Variants in IGDCC4 observed in about 807,000 individuals in gnomAD.
The protein encoded by IGDCC4 is likely ortholog of mouse neighbor of Punc E11.
IGDCC4 carries 72 observed loss-of-function variants against 116.6 expected under a neutral mutation model. That is an observed-to-expected ratio of 0.62 (90% CI 0.51 to 0.75). The LOEUF (loss-of-function observed/expected upper bound fraction) is 0.75, where lower values mean the gene tolerates loss of function less well. IGDCC4 is among the 30% of genes least tolerant of loss of function. IGDCC4 has a pLI of 0.00. For synonymous variants in IGDCC4, 709 were observed against 719.9 expected (o/e 0.98, Z 0.24); for missense variants, 1,501 against 1,662.4 (o/e 0.90, Z 1.69).
chr15:65,410,704 C>T (rs145142327), intron 2 of IGDCC4: 4,685 of 466,178 alleles, frequency 0.01, 71 homozygotes, highest in South Asian at 0.04. Context: ...CCTTAGGAGG[C>T]AGCTTTGTGC....
At chr15:65,392,007 G>T in intron 11 of IGDCC4, 26 bp from the exon 12 acceptor site, 1 of 1,586,038 alleles carries the variant, frequency 6.3e-7, no homozygotes, top group Non-Finnish European at 8.6e-7. Flanking sequence ...GGGCTTAATG[G>T]CTAGGGGGAC....
chr15:65,413,414 G>A (rs2063116309), intron 1 of IGDCC4, among the ~76,000 whole-genome samples: 1 of 152,110 alleles, frequency 6.6e-6, no homozygotes, highest in African/African-American at 2.4e-5. Context: ...TTCTCCCAAG[G>A]CCCCAGAGGA....
At chr15:65,392,462 G>A (rs570138104) in intron 10 of IGDCC4, 92 bp from the exon 11 acceptor site, 5 of 998,740 alleles carry the variant, frequency 5.0e-6, no homozygotes, top group African/African-American at 3.2e-5. Context: ...GAAGAGGCAT[G>A]AGGAAGAGAC....
Position 65,396,062 on chromosome 15 carries a change from G to A in IGDCC4, c.1099C>T (p.Arg367Cys), listed in dbSNP as rs1357263314. 3.6e-6 allele frequency: 5 copies of A among 1,405,764 alleles called. No homozygotes were observed. Among genetic ancestry groups the A allele is most frequent in the African/African-American group, 1.5e-5 (1 of 66,738 alleles). The allele number at this position is 1,405,764 out of a possible 1,614,324, so 87.1% of individuals were successfully genotyped here. Residue 367 changes from arginine (R) to cysteine (C), a missense_variant, in exon 7 of 20, where the codon CGC becomes TGC. By Grantham distance (180) the Arg-to-Cys change is radical. Around this residue, in one of 3 missense-constraint regions of IGDCC4, gnomAD observed 898 missense variants for 978.9 expected, o/e 0.92. Transcript: ENST00000352385. ...AGCGGCGCCCCGTTGTGCAGCCAGC[G>A]CAGCGCTGGCCGCGGCTCCCCCGAC... ...RASGEPRPAL[R>C]WLHNGAPLRP...
chr15:65,402,389 T>G lies in IGDCC4; in HGVS notation c.662A>C (p.His221Pro). ...RCVATNSARQ[H>P]FSQEALLSVA... Reference sequence around the variant, plus strand: ...ACTGAGTAGGGCCTCCTGGCTGAAGTGCTGGCGAGCTGAGTTGGTGGCCAC... The same window carrying G: ...ACTGAGTAGGGCCTCCTGGCTGAAGGGCTGGCGAGCTGAGTTGGTGGCCAC... The change falls in exon 4 of 20, where the codon CAC becomes CCC. Residue 221 changes from histidine to proline, a missense_variant. Coordinates refer to ENST00000352385, the MANE Select transcript of IGDCC4 (RefSeq NM_020962.3). 2 of 1,571,338 alleles carry G rather than the reference T, an allele frequency of 1.3e-6. No homozygotes were observed. Among genetic ancestry groups the G allele is most frequent in the Non-Finnish European group, 1.7e-6 (2 of 1,157,304 alleles).
intron 1 of IGDCC4, among the ~76,000 whole-genome samples, chr15:65,417,664 C>T (rs623887): frequency 0.24 from 36,157 of 152,094 alleles, 4,907 homozygotes; most frequent in African/African-American, 0.37. Flanking sequence ...GGCATGATCT[C>T]GGCTCACTGC....
rs147139656 is a variant in IGDCC4 at position 65,394,518 on chromosome 15, G to C, written c.1607C>G (p.Ser536Cys). Residue 536 changes from serine (S) to cysteine (C), a missense_variant, in exon 9 of 20, where the codon TCC becomes TGC. Physicochemically the swap from Ser to Cys is moderately radical, Grantham distance 112. Transcript: ENST00000352385. ...VPSAAPQLSLSSPNPSDIRVA... is the reference protein window; with the variant it reads ...VPSAAPQLSLCSPNPSDIRVA... ...CCTGATGTCCGAAGGGTTGGGGCTG[G>C]ACAGGGAGAGCTGGGGTGCTGCACT... 4.3e-5 allele frequency: 69 copies of C among 1,611,290 alleles called. No individual in the cohort carries two copies. The highest frequency in any genetic ancestry group is 5.2e-5 in the Non-Finnish European group (61 of 1,178,492).
intron 4 of IGDCC4, 47 bp downstream of exon 4, chr15:65,402,304 C>T: frequency 3.2e-6 from 5 of 1,547,020 alleles, no homozygotes; most frequent in Non-Finnish European, 3.5e-6. Context: ...TCTGAGGTGG[C>T]TGGTTCCAGA....
chr15:65,422,712 C>T, intron 1 of IGDCC4, 81 bp downstream of exon 1: 4 of 1,128,684 alleles, frequency 3.5e-6, no homozygotes, highest in Non-Finnish European at 3.4e-6. Flanking sequence ...CTTGAGCCAG[C>T]CCCGCAGCCC....
At position 65,388,982 on chromosome 15, in the gene IGDCC4, G is replaced by T; in HGVS notation, c.2537-4C>A. 1 of 1,575,852 alleles carries T rather than the reference G, an allele frequency of 6.3e-7. No homozygotes were observed. The highest frequency in any genetic ancestry group is 8.6e-7 in the Non-Finnish European group (1 of 1,160,514). ...TCGGATGGGGGTGTGGAGGGCCCTG[G>T]GGTGCGGGAGAGGAGATGGGGAGAG... On this transcript the variant is annotated splice_polypyrimidine_tract_variant and splice_region_variant and intron_variant, in intron 14 of 19. Coordinates refer to ENST00000352385, the MANE Select transcript of IGDCC4 (RefSeq NM_020962.3).
Position 65,389,866 on chromosome 15 carries a change from C to T in IGDCC4, c.2408+289G>A, listed in dbSNP as rs2091495776. The stretch of plus-strand genomic sequence containing the variant: ...TCTCTTCACCATCAGACTGGGAGCC[C>T]TCTGAGGTTGGAGAAACAGGTCTGT... On this transcript the variant is annotated intron_variant, in intron 13 of 19. Transcript: ENST00000352385. Among the ~76,000 whole-genome samples, 2 of 152,128 alleles carry T rather than the reference C, an allele frequency of 1.3e-5. 1 individual carries two copies. Among genetic ancestry groups the T allele is most frequent in the Admixed American group, 1.3e-4 (2 of 15,274 alleles).
chr15:65,416,899 C>T (rs887446533), intron 1 of IGDCC4, among the ~76,000 whole-genome samples: 2 of 152,152 alleles, frequency 1.3e-5, no homozygotes, highest in Non-Finnish European at 2.9e-5. Flanking sequence ...AAAGGAGATT[C>T]GCTGCTGAGC....
At position 65,382,094 on chromosome 15, in the gene IGDCC4, T is replaced by TA. The variant is rs958086786; in HGVS notation, c.*1914dup. ...TTCAGGGCAGTTTTTTTTTCTTCTTTAAAAAAAAAAAATCAAACCAGCAAA... is the reference window on the plus strand; with the variant it reads ...TTCAGGGCAGTTTTTTTTTCTTCTTTAAAAAAAAAAAAATCAAACCAGCAAA... On this transcript the variant is annotated 3_prime_UTR_variant, in exon 20 of 20. Transcript: ENST00000352385. 0.032 allele frequency: 4,683 copies of TA among 145,590 alleles called. 161 individuals are homozygous for TA. Among genetic ancestry groups the TA allele is most frequent in the African/African-American group, 0.096 (3,823 of 39,828 alleles). The allele number at this position is 145,590 out of a possible 1,614,324, so 9.0% of individuals were successfully genotyped here. A position where few individuals can be genotyped will look rare whatever the true frequency, so the allele number is the denominator to read the frequency against.
chr15:65,384,352 G>C lies in IGDCC4; in HGVS notation c.3410C>G (p.Ser1137Cys), dbSNP rs2091432627. Residue 1137 changes from serine (S) to cysteine (C), a missense_variant, in exon 20 of 20, where the codon TCT becomes TGT. Physicochemically the swap from Ser to Cys is moderately radical, Grantham distance 112. Coordinates refer to ENST00000352385, the MANE Select transcript of IGDCC4 (RefSeq NM_020962.3). This position sits in a 1 kb window ranked among gnomAD's most constrained non-coding sequence, Gnocchi z 4.9. ...GTTCCCGTTAGATGCACTAAAGTCA[G>C]AGTGGACAATGACTTCAGCCTCCAC... The part of the protein sequence containing the change: ...NQVEAEVIVH[S>C]DFSASNGNPD... 1 of 1,577,506 alleles carries C rather than the reference G, an allele frequency of 6.3e-7. No individual in the cohort carries two copies. The highest frequency in any genetic ancestry group is 1.2e-5 in the South Asian group (1 of 84,690).
At chr15:65,385,385 G>A (rs1045225972) in intron 18 of IGDCC4, 1 of 552,302 alleles carries the variant, frequency 1.8e-6, no homozygotes, top group African/African-American at 1.9e-5. Context: ...GAGGGTGAGG[G>A]AGGACGGGTC....
At chr15:65,412,748 C>A (rs1371191282) in intron 1 of IGDCC4, among the ~76,000 whole-genome samples, 1 of 151,986 alleles carries the variant, frequency 6.6e-6, no homozygotes, top group East Asian at 1.9e-4. Flanking sequence ...GCCTGGGTAA[C>A]ACAGGGAGAC....
intron 5 of IGDCC4, 85 bp from the exon 6 acceptor site, chr15:65,397,074 C>A (rs1299070001): frequency 2.0e-6 from 3 of 1,482,086 alleles, no homozygotes; most frequent in Admixed American, 4.1e-5. Flanking sequence ...ACACTCTGCA[C>A]CCGGATAAAG....
At chr15:65,412,825 A>G (rs2063109455) in intron 1 of IGDCC4, among the ~76,000 whole-genome samples, 1 of 152,056 alleles carries the variant, frequency 6.6e-6, no homozygotes, top group South Asian at 2.1e-4. Flanking sequence ...TGAGCCCAGA[A>G]GGTCGAGGCT....
intron 18 of IGDCC4, among the ~76,000 whole-genome samples, 156 bp from the exon 19 acceptor site, chr15:65,385,271 GAA>G (rs2091444126): frequency 6.6e-6 from 1 of 152,188 alleles, no homozygotes; most frequent in Non-Finnish European, 1.5e-5. Context: ...GAGGAGCATC[GAA>G]AGGGCTCAGA....
Sources: allele counts gnomAD v4.1 joint callset (sites outside exome capture counted in the v4.1 genomes callset), GRCh38; gene constraint gnomAD v4.1.1; regional missense constraint gnomAD v4.1.1; non-coding constraint Gnocchi (gnomAD v3.1); transcripts MANE v1.5; gene names NCBI Gene and HGNC (gene_info 2026-07-23, HGNC 2026-07-21).